HS3ST5: variants seen among roughly 807,000 people sequenced by gnomAD.
HS3ST5 encodes heparan sulfate glucosamine 3-O-sulfotransferase 5.
A neutral mutation model predicts 25.4 loss-of-function variants in HS3ST5; 10 were observed. The ratio of observed to expected loss-of-function variants is 0.39; its 90% CI spans 0.24 to 0.67. HS3ST5 has a LOEUF of 0.67. HS3ST5 is among the 30% of genes least tolerant of loss of function. The pLI is 0.44. For synonymous variants in HS3ST5, 170 were observed against 162.4 expected, an observed-to-expected ratio of 1.05 and a Z score of -0.36; for missense variants, 324 against 420.7, an observed-to-expected ratio of 0.77 and a Z score of 2.01.
chr6:114,295,197 CA>C (rs1429072592), intron 1 of HS3ST5, among the ~76,000 whole-genome samples: 1 of 152,110 alleles, frequency 6.6e-6, no homozygotes, highest in Non-Finnish European at 1.5e-5. Context: ...AATATATTTA[CA>C]GAAAATAAGG....
chr6:114,099,558 G>C (rs1775621796), intron 3 of HS3ST5, among the ~76,000 whole-genome samples: 1 of 152,122 alleles, frequency 6.6e-6, no homozygotes, highest in South Asian at 2.1e-4. Context: ...AATTTGCAAA[G>C]TGAAGTTTTC....
chr6:114,075,722 TTTC>T (rs1437323248), intron 3 of HS3ST5, among the ~76,000 whole-genome samples: 13 of 152,188 alleles, frequency 8.5e-5, no homozygotes, highest in African/African-American at 3.1e-4. Flanking sequence ...TGGTACCTCC[TTTC>T]TTCTTCAGAT....
At chr6:114,261,539 T>C (rs2114668502) in intron 1 of HS3ST5, among the ~76,000 whole-genome samples, 1 of 152,258 alleles carries the variant, frequency 6.6e-6, no homozygotes, top group Middle Eastern at 3.4e-3. Context: ...CTGAAGTTGA[T>C]ATTTATACTA....
At chr6:114,066,887 C>G (rs1453254073) in intron 3 of HS3ST5, among the ~76,000 whole-genome samples, 3 of 152,040 alleles carry the variant, frequency 2.0e-5, no homozygotes, top group African/African-American at 7.3e-5. Context: ...TATTTTGTCC[C>G]TCATCTATTT....
At chr6:114,215,531 T>A (rs1248019833) in intron 2 of HS3ST5, among the ~76,000 whole-genome samples, 2 of 152,000 alleles carry the variant, frequency 1.3e-5, no homozygotes, top group Non-Finnish European at 2.9e-5. Flanking sequence ...CTTCTGCCCT[T>A]ATTGAGTCCC....
intron 2 of HS3ST5, among the ~76,000 whole-genome samples, chr6:114,214,607 T>C (rs1340494470): frequency 6.6e-6 from 1 of 152,164 alleles, no homozygotes; most frequent in Non-Finnish European, 1.5e-5. Flanking sequence ...TCAGAAACAA[T>C]TAGAAAGGAC....
intron 3 of HS3ST5, among the ~76,000 whole-genome samples, chr6:114,137,858 T>C (rs1475624213): frequency 5.3e-5 from 8 of 152,234 alleles, no homozygotes; most frequent in Non-Finnish European, 1.2e-4. Flanking sequence ...GATGACTAAT[T>C]GGTGGCACTG....
At chr6:114,297,701 C>A (rs9488367) in intron 1 of HS3ST5, among the ~76,000 whole-genome samples, 1 of 152,130 alleles carries the variant, frequency 6.6e-6, no homozygotes, top group Non-Finnish European at 1.5e-5. Flanking sequence ...GCTTGGTTAA[C>A]GCTTTCCTTC....
intron 3 of HS3ST5, among the ~76,000 whole-genome samples, chr6:114,086,514 C>T (rs977888964): frequency 5.3e-5 from 8 of 152,324 alleles, no homozygotes; most frequent in African/African-American, 1.9e-4. Flanking sequence ...TCCCGAGAGT[C>T]ATCTCCAGAC....
chr6:114,313,025 G>GAA (rs5879258), intron 1 of HS3ST5, among the ~76,000 whole-genome samples: 493 of 16,124 alleles, frequency 0.031, 205 homozygotes, highest in African/African-American at 0.083. Context: ...CCCTGCATCA[G>GAA]AAAAAAAAAA....
chr6:114,122,358 A>AT (rs1375230595), intron 3 of HS3ST5, among the ~76,000 whole-genome samples: 2 of 152,108 alleles, frequency 1.3e-5, no homozygotes, highest in Non-Finnish European at 2.9e-5. Context: ...TTTTCAGTAG[A>AT]TTTTGTCTGG....
intron 2 of HS3ST5, among the ~76,000 whole-genome samples, chr6:114,213,842 T>G (rs1442289658): frequency 6.6e-6 from 1 of 152,218 alleles, no homozygotes; most frequent in South Asian, 2.1e-4. Flanking sequence ...AGTTCACATA[T>G]GGTGAACTCT....
At chr6:114,230,453 T>C (rs1273308358) in intron 1 of HS3ST5, 1 of 152,152 alleles carries the variant, frequency 6.6e-6, no homozygotes, top group African/African-American at 2.4e-5. Flanking sequence ...CACTACTATC[T>C]TCCCTTCATA....
chr6:114,073,290 T>C (rs549357891), intron 3 of HS3ST5, among the ~76,000 whole-genome samples: 1 of 151,880 alleles, frequency 6.6e-6, no homozygotes, highest in Non-Finnish European at 1.5e-5. Context: ...AATAGACAAA[T>C]GGGATCTAAT....
chr6:114,213,714 C>T (rs530604867), intron 2 of HS3ST5, among the ~76,000 whole-genome samples: 53 of 152,264 alleles, frequency 3.5e-4, no homozygotes, highest in East Asian at 3.9e-4. Context: ...AGGTAAAACA[C>T]GTGCAGGGAT....
chr6:114,255,526 C>T (rs1257866163), intron 1 of HS3ST5, among the ~76,000 whole-genome samples: 1 of 152,196 alleles, frequency 6.6e-6, no homozygotes, highest in Non-Finnish European at 1.5e-5. Flanking sequence ...GTGTGGGAGC[C>T]TCTACCCATT....
intron 3 of HS3ST5, among the ~76,000 whole-genome samples, chr6:114,161,561 ATATATATATATAT>A (rs1778969816): frequency 1.0e-5 from 1 of 99,214 alleles, no homozygotes; most frequent in Non-Finnish European, 2.1e-5. Context: ...ATATATATAT[ATATATATATATAT>A]AAAATGCAAT....
intron 4 of HS3ST5, among the ~76,000 whole-genome samples, chr6:114,061,640 C>G (rs71566761): frequency 0.099 from 15,018 of 152,248 alleles, 770 homozygotes; most frequent in East Asian, 0.17. Context: ...TTCAGTCTTT[C>G]CAGTGCAAGA....
At chr6:114,144,269 AT>A in intron 3 of HS3ST5, among the ~76,000 whole-genome samples, 1 of 152,176 alleles carries the variant, frequency 6.6e-6, no homozygotes, top group East Asian at 1.9e-4. Flanking sequence ...ATTCCCAAAC[AT>A]TGGCAGACTT....
Sources: gnomAD v4.1 joint callset for allele counts (sites outside exome capture counted in the v4.1 genomes callset) on GRCh38, gnomAD v4.1.1 for gene constraint, MANE v1.5 for transcripts, NCBI Gene and HGNC (gene_info 2026-07-23, HGNC 2026-07-21) for gene names.